The following BLTP2 variants were observed in gnomAD, a reference collection of about 807,000 sequenced individuals.
The protein encoded by BLTP2 is bridge-like lipid transfer protein family member 2.
the BLTP2 span, chr17:28,628,505 C>T: frequency 6.2e-7 from 1 of 1,614,194 alleles, no homozygotes; most frequent in Non-Finnish European, 8.5e-7. Context: ...CGTAAATCTA[C>T]TAAGTGCAGC....
At chr17:28,617,337 C>T in the BLTP2 span, 78 of 1,584,874 alleles carry the variant, frequency 4.9e-5, no homozygotes, top group Non-Finnish European at 6.7e-5. Context: ...ACAGATTTTG[C>T]CCCATCTACT....
At chr17:28,630,465 GT>G in the BLTP2 span, among the ~76,000 whole-genome samples, 368 of 93,022 alleles carry the variant, frequency 4.0e-3, 2 homozygotes, top group East Asian at 0.037. Flanking sequence ...AGCCCCCACT[GT>G]TTTTTTTTTT....
chr17:28,618,278 G>T, the BLTP2 span, among the ~76,000 whole-genome samples: 4 of 151,332 alleles, frequency 2.6e-5, no homozygotes, highest in African/African-American at 9.7e-5. Context: ...TAGAGACAGG[G>T]TCTCACTCTG....
chr17:28,633,071 T>C, the BLTP2 span: 1 of 1,593,804 alleles, frequency 6.3e-7, no homozygotes, highest in Middle Eastern at 1.7e-4. Flanking sequence ...AGAGTGACAC[T>C]ATGGTGATCA....
the BLTP2 span, chr17:28,616,365 G>T: frequency 4.3e-6 from 7 of 1,614,000 alleles, no homozygotes; most frequent in Non-Finnish European, 5.9e-6. This position sits in a 1 kb window ranked among gnomAD's most constrained non-coding sequence, Gnocchi z 4.8. Flanking sequence ...TATCATCAGG[G>T]GCATGTTTGG....
At chr17:28,629,231 A>G in the BLTP2 span, among the ~76,000 whole-genome samples, 99 of 151,108 alleles carry the variant, frequency 6.6e-4, no homozygotes, top group Middle Eastern at 3.4e-3. Flanking sequence ...AAATATATTT[A>G]TTTATTTTTA....
At chr17:28,633,051 TG>T in the BLTP2 span, 1 of 1,591,724 alleles carries the variant, frequency 6.3e-7, no homozygotes, top group South Asian at 1.1e-5. Flanking sequence ...GCAGGAACTC[TG>T]GGGCCCGCAG....
the BLTP2 span, chr17:28,621,391 G>C: frequency 6.2e-7 from 1 of 1,610,562 alleles, no homozygotes; most frequent in Non-Finnish European, 8.5e-7. Flanking sequence ...AGGAGGGGGA[G>C]GGCTGACCTG....
chr17:28,635,085 A>G, the BLTP2 span: 5 of 1,613,560 alleles, frequency 3.1e-6, no homozygotes, highest in South Asian at 5.5e-5. Context: ...GAGTTCGAGA[A>G]AAGTCATACT....
the BLTP2 span, chr17:28,615,109 G>A: frequency 1.9e-5 from 30 of 1,613,514 alleles, no homozygotes; most frequent in South Asian, 2.3e-4. Flanking sequence ...GGTTCTTGTC[G>A]CCCACACTTA....
the BLTP2 span, chr17:28,617,378 C>T: frequency 1.4e-5 from 18 of 1,282,956 alleles, no homozygotes; most frequent in South Asian, 2.2e-4. Context: ...GTCTACTAGA[C>T]AATTGTTATG....
chr17:28,615,691 C>T, the BLTP2 span: 1 of 1,614,174 alleles, frequency 6.2e-7, no homozygotes, highest in Non-Finnish European at 8.5e-7. Context: ...TGCGGCTGTC[C>T]CTTTTGACAG....
chr17:28,633,609 C>T, the BLTP2 span: 3 of 1,614,090 alleles, frequency 1.9e-6, no homozygotes, highest in Non-Finnish European at 2.5e-6. Flanking sequence ...CTCCATGGAA[C>T]AGAAGACGGC....
At chr17:28,620,767 G>C in the BLTP2 span, 1 of 1,038,718 alleles carries the variant, frequency 9.6e-7, no homozygotes. Context: ...GCAGAAACAT[G>C]TTTACTTCAG....
At chr17:28,633,414 C>A in the BLTP2 span, 1 of 1,608,042 alleles carries the variant, frequency 6.2e-7, no homozygotes, top group South Asian at 1.1e-5. Flanking sequence ...ATGACCACCC[C>A]CGAGAATTTG....
At chr17:28,628,327 G>A in the BLTP2 span, 2 of 1,614,194 alleles carry the variant, frequency 1.2e-6, no homozygotes, top group Non-Finnish European at 1.7e-6. Context: ...AGGTGGGGCT[G>A]AGGCACTAGT....
chr17:28,642,225 C>G, the BLTP2 span: 1 of 1,605,056 alleles, frequency 6.2e-7, no homozygotes. Flanking sequence ...CTCCTTCACA[C>G]TTTACGCCCA....
the BLTP2 span, among the ~76,000 whole-genome samples, chr17:28,644,445 T>G: frequency 6.6e-6 from 1 of 152,064 alleles, no homozygotes; most frequent in African/African-American, 2.4e-5. Context: ...TCCCTCAAAT[T>G]GTTATGAATC....
chr17:28,621,458 G>T, the BLTP2 span: 1 of 1,614,198 alleles, frequency 6.2e-7, no homozygotes, highest in Non-Finnish European at 8.5e-7. Flanking sequence ...CTCCTGCACA[G>T]AGTCCAGACT....
Sources: gnomAD v4.1 joint callset for allele counts (sites outside exome capture counted in the v4.1 genomes callset) on GRCh38, gnomAD v4.1.1 for gene constraint, Gnocchi (gnomAD v3.1) non-coding constraint, MANE v1.5 for transcripts, NCBI Gene and HGNC (gene_info 2026-07-23, HGNC 2026-07-21) for gene names.